TRDN: variants seen among roughly 807,000 people sequenced by gnomAD.
TRDN encodes triadin in skeletal muscle.
TRDN carries 161 observed loss-of-function variants against 149.7 expected under a neutral mutation model. The ratio of observed to expected loss-of-function variants is 1.08; its 90% confidence interval spans 0.95 to 1.23. The LOEUF is 1.23. Among genes scored for constraint, TRDN ranks in the 50% most tolerant of loss-of-function variants. The probability of loss-of-function intolerance (pLI) is 0.00; values close to 1 mark genes in which losing one functional copy is unlikely to be tolerated. For missense variants in TRDN, 896 were observed against 823.5 expected (o/e 1.09, Z -1.08); for synonymous variants, 294 against 250.5 (o/e 1.17, Z -1.64).
At chr6:123,357,185 T>C (rs140524249) in intron 20 of TRDN, among the ~76,000 whole-genome samples, 17 of 152,144 alleles carry the variant, frequency 1.1e-4, no homozygotes, top group African/African-American at 3.6e-4. Flanking sequence ...TAGAAATGTA[T>C]TACTTACATT....
At chr6:123,386,076 A>G (rs1301541281) in intron 14 of TRDN, among the ~76,000 whole-genome samples, 1 of 152,200 alleles carries the variant, frequency 6.6e-6, no homozygotes, top group Admixed American at 6.5e-5. Flanking sequence ...GAAATGTGCA[A>G]ACCAAGGAAA....
At chr6:123,540,472 A>C (rs1780771916) in intron 4 of TRDN, among the ~76,000 whole-genome samples, 2 of 152,044 alleles carry the variant, frequency 1.3e-5, no homozygotes, top group African/African-American at 2.4e-5. Flanking sequence ...TCATTTCAGA[A>C]GCCAACTCTA....
chr6:123,517,790 TC>T (rs1779484430), intron 5 of TRDN, among the ~76,000 whole-genome samples: 1 of 152,118 alleles, frequency 6.6e-6, no homozygotes, highest in African/African-American at 2.4e-5. Flanking sequence ...TTCAAATGCC[TC>T]CTTCTCTGTA....
At chr6:123,346,265 T>C (rs541709710) in intron 21 of TRDN, among the ~76,000 whole-genome samples, 1 of 152,220 alleles carries the variant, frequency 6.6e-6, no homozygotes, top group South Asian at 2.1e-4. Context: ...CAAATGCTTT[T>C]ACCATTACTA....
chr6:123,587,618 C>T (rs775136897), intron 1 of TRDN, among the ~76,000 whole-genome samples: 3 of 151,990 alleles, frequency 2.0e-5, no homozygotes, highest in African/African-American at 2.4e-5. Flanking sequence ...CATGTGCGTC[C>T]GTGTGAAGAG....
At position 123,377,843 on chromosome 6, in the gene TRDN, C is replaced by G. The variant is rs756205469; in HGVS notation, c.1219+23G>C. 5.6e-6 allele frequency: 9 copies of G among 1,594,864 alleles called. No homozygotes were observed. The East Asian group carries it at 1.6e-4, about 28-fold the overall frequency. On this transcript the variant is annotated intron_variant, in intron 17 of 40. Coordinates refer to ENST00000334268, the MANE Select transcript of TRDN (RefSeq NM_006073.4). ...AAATAATATTATGAAATTGTGAGAACAGAGGAATTTAAAAACAGTTACCTG... is the reference window on the plus strand; with the variant it reads ...AAATAATATTATGAAATTGTGAGAAGAGAGGAATTTAAAAACAGTTACCTG...
chr6:123,346,438 TA>T (rs1302533756), intron 21 of TRDN, among the ~76,000 whole-genome samples: 1 of 151,974 alleles, frequency 6.6e-6, no homozygotes, highest in African/African-American at 2.4e-5. Flanking sequence ...ATTAAATTTT[TA>T]AAAAATTTCC....
chr6:123,599,225 T>G (rs896515686), intron 1 of TRDN, among the ~76,000 whole-genome samples: 4 of 152,126 alleles, frequency 2.6e-5, no homozygotes, highest in Non-Finnish European at 5.9e-5. Context: ...TATCCATTTA[T>G]TCTTTGCTCT....
Position 123,524,944 on chromosome 6 carries a change from A to G in TRDN, c.484+5562T>C, listed in dbSNP as rs577165865. Among the ~76,000 whole-genome samples the G allele has an allele frequency of 2.6e-5, 4 of 152,178 alleles. No homozygotes were observed. In the South Asian group the frequency reaches 8.3e-4, roughly 32 times the overall value. On this transcript the variant is annotated intron_variant, in intron 5 of 40. Transcript: ENST00000334268. The stretch of plus-strand genomic sequence containing the variant: ...AAATACTTTTATCTTTCTATTCACA[A>G]ACATGAAAAATTGCTTAACATCAGT...
At chr6:123,562,235 A>G (rs1009360630) in intron 2 of TRDN, among the ~76,000 whole-genome samples, 1 of 151,930 alleles carries the variant, frequency 6.6e-6, no homozygotes, top group African/African-American at 2.4e-5. Flanking sequence ...CCGCATCCCT[A>G]TCTCCCTTCG....
intron 33 of TRDN, among the ~76,000 whole-genome samples, chr6:123,262,369 T>TTTTTG (rs1023671873): frequency 6.6e-5 from 10 of 151,910 alleles, no homozygotes; most frequent in African/African-American, 2.4e-4. Flanking sequence ...GTGTCTTTTG[T>TTTTTG]TTTTGTTTTG....
intron 1 of TRDN, among the ~76,000 whole-genome samples, chr6:123,587,720 TA>T (rs1399441670): frequency 8.9e-5 from 13 of 145,620 alleles, no homozygotes; most frequent in East Asian, 2.1e-4. Context: ...TGAAGGGAGA[TA>T]GGGGTGGAGC....
intron 40 of TRDN, among the ~76,000 whole-genome samples, 186 bp downstream of exon 40, chr6:123,221,301 T>G (rs1279845918): frequency 6.6e-6 from 1 of 151,768 alleles, no homozygotes; most frequent in East Asian, 1.9e-4. Context: ...ATCTGCCTCT[T>G]GCCTAACACA....
intron 10 of TRDN, among the ~76,000 whole-genome samples, chr6:123,458,044 TC>T (rs1276228580): frequency 6.6e-6 from 1 of 152,214 alleles, no homozygotes; most frequent in East Asian, 1.9e-4. Flanking sequence ...TAGTTCAAAC[TC>T]ATGACTACTG....
At chr6:123,567,316 C>A (rs985591379) in intron 2 of TRDN, among the ~76,000 whole-genome samples, 1 of 152,168 alleles carries the variant, frequency 6.6e-6, no homozygotes, top group East Asian at 1.9e-4. Flanking sequence ...TATCACGGGA[C>A]TTTTCTCTAC....
intron 7 of TRDN, among the ~76,000 whole-genome samples, chr6:123,506,422 C>T (rs1778926899): frequency 6.6e-6 from 1 of 152,002 alleles, no homozygotes; most frequent in South Asian, 2.1e-4. Flanking sequence ...TGTCAGACTG[C>T]ATTCTCTATA....
intron 1 of TRDN, among the ~76,000 whole-genome samples, chr6:123,606,574 G>C (rs559231613): frequency 1.3e-5 from 2 of 152,002 alleles, no homozygotes; most frequent in South Asian, 4.2e-4. Flanking sequence ...TTATATTTAA[G>C]ATGTTATTCT....
chr6:123,595,680 C>G (rs1455254989), intron 1 of TRDN, among the ~76,000 whole-genome samples: 1 of 152,108 alleles, frequency 6.6e-6, no homozygotes, highest in Non-Finnish European at 1.5e-5. Flanking sequence ...ATATTTCAAA[C>G]TACTCCATTA....
At chr6:123,520,915 C>G (rs1019845983) in intron 5 of TRDN, among the ~76,000 whole-genome samples, 2 of 152,018 alleles carry the variant, frequency 1.3e-5, no homozygotes, top group African/African-American at 2.4e-5. Flanking sequence ...TGAAGTGCAG[C>G]TAAGAGAAGA....
Sources: gnomAD v4.1 joint callset for allele counts (sites outside exome capture counted in the v4.1 genomes callset) on GRCh38, gnomAD v4.1.1 for gene constraint, MANE v1.5 for transcripts, NCBI Gene and HGNC (gene_info 2026-07-23, HGNC 2026-07-21) for gene names.